The following LRMDA variants were observed in gnomAD, a reference collection of about 807,000 sequenced individuals.
LRMDA encodes the protein leucine rich melanocyte differentiation associated.
A neutral mutation model predicts 29.8 loss-of-function variants in LRMDA; 18 were observed. That is an observed-to-expected ratio of 0.60 (90% CI 0.42 to 0.90). LRMDA has a LOEUF of 0.90. Among genes scored for constraint, LRMDA ranks in the 40% least tolerant of loss-of-function variants. The probability of loss-of-function intolerance (pLI) is 0.00; values close to 1 mark genes in which losing one functional copy is unlikely to be tolerated. For synonymous variants in LRMDA, 125 were observed against 109.4 expected (o/e 1.14, Z -0.89); for missense variants, 273 against 273.9 (o/e 1.00, Z 0.02).
chr10:75,965,451 T>C (rs1846841788), intron 2 of LRMDA, among the ~76,000 whole-genome samples: 3 of 152,234 alleles, frequency 2.0e-5, no homozygotes, highest in Admixed American at 2.0e-4. Context: ...TTTATGTTTA[T>C]GGAGCATGAC....
chr10:76,112,112 T>G (rs1238927907), intron 5 of LRMDA, among the ~76,000 whole-genome samples: 1 of 152,168 alleles, frequency 6.6e-6, no homozygotes, highest in Non-Finnish European at 1.5e-5. Context: ...TAATGAAAGC[T>G]GCATGAGCGA....
At chr10:75,616,358 G>C (rs534967221) in intron 2 of LRMDA, among the ~76,000 whole-genome samples, 1 of 152,146 alleles carries the variant, frequency 6.6e-6, no homozygotes, top group South Asian at 2.1e-4. Context: ...TGACATATGG[G>C]GATTATTGCA....
chr10:76,514,855 G>C (rs1261993603), intron 6 of LRMDA, among the ~76,000 whole-genome samples: 1 of 152,132 alleles, frequency 6.6e-6, no homozygotes, highest in Non-Finnish European at 1.5e-5. Context: ...GGGCTTCCTG[G>C]AAAGCTAGAA....
chr10:75,937,411 G>A (rs1194723394), intron 2 of LRMDA, among the ~76,000 whole-genome samples: 1 of 152,162 alleles, frequency 6.6e-6, no homozygotes, highest in Non-Finnish European at 1.5e-5. Flanking sequence ...GTAGCTTGGG[G>A]GCCTGGCCCT....
chr10:75,691,091 TG>T, intron 2 of LRMDA, among the ~76,000 whole-genome samples: 1 of 98,106 alleles, frequency 1.0e-5, no homozygotes, highest in African/African-American at 7.0e-5. Context: ...TATATATCTA[TG>T]TACATAGATA....
At chr10:76,444,834 A>G (rs552161569) in intron 6 of LRMDA, among the ~76,000 whole-genome samples, 5 of 152,256 alleles carry the variant, frequency 3.3e-5, no homozygotes, top group South Asian at 4.2e-4. Context: ...TATGTGTACT[A>G]TATGTGTGTG....
chr10:75,737,219 G>T (rs2132205636), intron 2 of LRMDA, among the ~76,000 whole-genome samples: 1 of 152,232 alleles, frequency 6.6e-6, no homozygotes, highest in East Asian at 1.9e-4. Flanking sequence ...GAGGCGATAA[G>T]CTCTTCTTTG....
At chr10:76,515,979 A>T (rs1454513719) in intron 6 of LRMDA, among the ~76,000 whole-genome samples, 3 of 152,176 alleles carry the variant, frequency 2.0e-5, no homozygotes, top group Non-Finnish European at 4.4e-5. Flanking sequence ...ATATAGAGAC[A>T]AAGCCTTGGA....
intron 2 of LRMDA, among the ~76,000 whole-genome samples, chr10:75,610,711 T>C (rs939568826): frequency 6.6e-6 from 1 of 152,158 alleles, no homozygotes; most frequent in Non-Finnish European, 1.5e-5. Flanking sequence ...TTCTTTAATG[T>C]CTTTATAATA....
At chr10:75,546,482 C>T (rs11001418) in intron 2 of LRMDA, among the ~76,000 whole-genome samples, 4,290 of 152,252 alleles carry the variant, frequency 0.028, 223 homozygotes, top group African/African-American at 0.098. Flanking sequence ...GAAGACTATA[C>T]ATCAGAATAT....
At chr10:75,799,734 C>T (rs1208664446) in intron 2 of LRMDA, among the ~76,000 whole-genome samples, 1 of 138,112 alleles carries the variant, frequency 7.2e-6, no homozygotes, top group African/African-American at 2.8e-5. Context: ...TTAGTAGAGA[C>T]GGGGTTTCAG....
intron 2 of LRMDA, among the ~76,000 whole-genome samples, chr10:75,695,011 C>G (rs569500432): frequency 9.2e-5 from 14 of 152,262 alleles, no homozygotes; most frequent in African/African-American, 3.1e-4. Context: ...GTGAGTTTGC[C>G]ACACCACTTG....
chr10:75,777,768 A>G (rs182260798), intron 2 of LRMDA, among the ~76,000 whole-genome samples: 2 of 152,300 alleles, frequency 1.3e-5, no homozygotes, highest in Non-Finnish European at 2.9e-5. Flanking sequence ...GTAAGATGGT[A>G]GTAACAGTGG....
chr10:75,535,351 T>C (rs1014142419), intron 2 of LRMDA, among the ~76,000 whole-genome samples: 1 of 152,150 alleles, frequency 6.6e-6, no homozygotes, highest in African/African-American at 2.4e-5. Flanking sequence ...GTCCTTGTCT[T>C]TCCTTCAGCT....
intron 5 of LRMDA, among the ~76,000 whole-genome samples, chr10:76,191,190 C>T (rs1180425924): frequency 3.9e-5 from 6 of 152,236 alleles, no homozygotes; most frequent in African/African-American, 1.4e-4. Context: ...ATTATTCTGT[C>T]AGAGCTGTAA....
At chr10:75,666,779 G>A (rs779693756) in intron 2 of LRMDA, among the ~76,000 whole-genome samples, 4 of 152,050 alleles carry the variant, frequency 2.6e-5, no homozygotes, top group Non-Finnish European at 4.4e-5. Flanking sequence ...CACCAGTACT[G>A]CATAGTAGTG....
At chr10:75,680,611 C>T (rs1350162935) in intron 2 of LRMDA, among the ~76,000 whole-genome samples, 2 of 151,850 alleles carry the variant, frequency 1.3e-5, no homozygotes, top group East Asian at 3.9e-4. Context: ...AATAATGCCA[C>T]CTAGAATGAA....
intron 2 of LRMDA, among the ~76,000 whole-genome samples, chr10:75,889,676 G>A (rs1223663868): frequency 6.6e-6 from 1 of 152,210 alleles, no homozygotes; most frequent in Non-Finnish European, 1.5e-5. Context: ...GAGGTGGCAT[G>A]TGGGTACCAA....
At chr10:76,336,213 TGGATGTAATCCTG>T (rs1444299765) in intron 6 of LRMDA, among the ~76,000 whole-genome samples, 1 of 146,940 alleles carries the variant, frequency 6.8e-6, no homozygotes, top group Non-Finnish European at 1.5e-5. Context: ...AAATCCTGAC[TGGATGTAATCCTG>T]GGTTCTCTAT....
Sources: allele counts gnomAD v4.1 joint callset (sites outside exome capture counted in the v4.1 genomes callset), GRCh38; gene constraint gnomAD v4.1.1; transcripts MANE v1.5; gene names NCBI Gene and HGNC (gene_info 2026-07-23, HGNC 2026-07-21).